CYP2J2: variants seen among roughly 807,000 people sequenced by gnomAD.
CYP2J2 encodes the protein cytochrome P450 2J2.
CYP2J2 carries 41 observed loss-of-function variants against 48.8 expected under a neutral mutation model. The ratio of observed to expected loss-of-function variants is 0.84; its 90% CI spans 0.66 to 1.09. The LOEUF (loss-of-function observed/expected upper bound fraction) is 1.09. Ranked by LOEUF, CYP2J2 falls within the 50% of genes least tolerant of loss-of-function variation. CYP2J2 has a pLI of 0.00. For synonymous variants in CYP2J2, 221 were observed against 227.1 expected, an observed-to-expected ratio of 0.97 and a Z score of 0.24; for missense variants, 644 against 617.3, an observed-to-expected ratio of 1.04 and a Z score of -0.46.
intron 7 of CYP2J2, among the ~76,000 whole-genome samples, chr1:59,901,484 C>T (rs1359083034): frequency 6.6e-6 from 1 of 152,210 alleles, no homozygotes; most frequent in South Asian, 2.1e-4. Flanking sequence ...CTCAGTGAAG[C>T]TATAACGATG....
the CYP2J2 span, among the ~76,000 whole-genome samples, chr1:59,944,268 G>C: frequency 6.6e-6 from 1 of 152,152 alleles, no homozygotes; most frequent in Non-Finnish European, 1.5e-5. Context: ...TGTCACCCAG[G>C]CTGGAATACA....
At chr1:59,927,480 G>A (rs565368539), upstream of CYP2J2, among the ~76,000 whole-genome samples, 43 of 152,280 alleles carry the variant, frequency 2.8e-4, no homozygotes, top group South Asian at 5.8e-3. Context: ...GTGCCTGCTT[G>A]GGTTTCACAA....
the CYP2J2 span, among the ~76,000 whole-genome samples, chr1:59,949,471 GTTAGAT>G: frequency 6.6e-6 from 1 of 152,056 alleles, no homozygotes; most frequent in East Asian, 1.9e-4. Context: ...TCAATTTACT[GTTAGAT>G]TTGAGGGAAG....
intron 8 of CYP2J2, among the ~76,000 whole-genome samples, chr1:59,896,562 A>G (rs1268912990): frequency 6.6e-6 from 1 of 151,926 alleles, no homozygotes; most frequent in Non-Finnish European, 1.5e-5. Flanking sequence ...CATCACTGCC[A>G]CAGCCACCCT....
At chr1:59,948,319 A>G in the CYP2J2 span, among the ~76,000 whole-genome samples, 2 of 152,198 alleles carry the variant, frequency 1.3e-5, no homozygotes, top group Non-Finnish European at 2.9e-5. Context: ...AGACTGTTTT[A>G]TATGAAATCC....
intron 8 of CYP2J2, among the ~76,000 whole-genome samples, chr1:59,895,818 C>G (rs891185411): frequency 6.6e-6 from 1 of 152,094 alleles, no homozygotes; most frequent in African/African-American, 2.4e-5. Context: ...TACCAAATCG[C>G]GATTTTTAAA....
Position 59,912,295 on chromosome 1 carries a change from A to C in CYP2J2, c.390T>G (p.Ser130Arg), listed in dbSNP as rs773060053. The change falls in exon 3 of 9, where the codon AGT becomes AGG. Residue 130 changes from serine (S) to arginine (R), a missense_variant. Coordinates refer to ENST00000371204, the MANE Select transcript of CYP2J2 (RefSeq NM_000775.4). ...IFKKNGLIMS[S>R]GQAWKEQRRF... ...TTCTTTGCTCCTTCCATGCCTGGCCACTTGACATAATCAATCCTGGGAAAA... is the reference window on the plus strand; with the variant it reads ...TTCTTTGCTCCTTCCATGCCTGGCCCCTTGACATAATCAATCCTGGGAAAA... 8.7e-6 allele frequency: 14 copies of C among 1,613,210 alleles called. No individual in the cohort carries two copies. Among genetic ancestry groups the C allele is most frequent in the Non-Finnish European group, 1.0e-5 (12 of 1,179,592 alleles).
chr1:59,926,475 T>C, intron 1 of CYP2J2, 62 bp downstream of exon 1: 1 of 1,447,544 alleles, frequency 6.9e-7, no homozygotes, highest in Non-Finnish European at 9.7e-7. Flanking sequence ...TGCCGGAACG[T>C]CCCTTGTGCT....
rs574400562 is a variant in CYP2J2, at chr1:59,905,194, C to A, written c.1004-136G>T. ...TGCAAGAAATAAAATGGTTCTTAAC[C>A]TTTTGAAAGGCTTATTCAGAAAACT... On this transcript the variant is annotated intron_variant, in intron 6 of 8. Transcript: ENST00000371204. 4.6e-6 allele frequency: 4 copies of A among 863,698 alleles called. No homozygotes were observed. The African/African-American group carries it at 7.0e-5, about 15-fold the overall frequency. The allele number at this position is 863,698 out of a possible 1,614,324, so 53.5% of individuals were successfully genotyped here.
intron 7 of CYP2J2, chr1:59,904,617 A>C: frequency 2.3e-6 from 1 of 426,884 alleles, no homozygotes. Flanking sequence ...TAGTAAAAAC[A>C]CTGAGAGGCC....
chr1:59,935,264 G>C, the CYP2J2 span, among the ~76,000 whole-genome samples: 1 of 151,710 alleles, frequency 6.6e-6, no homozygotes, highest in East Asian at 1.9e-4. Context: ...GTGGGGAAAG[G>C]GGAGATGTTG....
At chr1:59,910,311 C>A (rs1644401547) in intron 4 of CYP2J2, among the ~76,000 whole-genome samples, 1 of 152,028 alleles carries the variant, frequency 6.6e-6, no homozygotes, top group South Asian at 2.1e-4. Context: ...TAAAATGGGT[C>A]TTTTTAGAAA....
chr1:59,918,028 T>C (rs1303054387), intron 1 of CYP2J2, among the ~76,000 whole-genome samples: 1 of 152,152 alleles, frequency 6.6e-6, no homozygotes, highest in Non-Finnish European at 1.5e-5. Flanking sequence ...CTTGTATTCT[T>C]TTGGCCCAGA....
At chr1:59,911,916 A>G (rs1295117821) in intron 3 of CYP2J2, 148 bp from the exon 4 acceptor site, 1 of 902,280 alleles carries the variant, frequency 1.1e-6, no homozygotes, top group African/African-American at 1.7e-5. Flanking sequence ...CATCTGACAT[A>G]CAACAAGTAT....
the CYP2J2 span, among the ~76,000 whole-genome samples, chr1:59,948,713 AC>A: frequency 2.4e-4 from 37 of 152,320 alleles, no homozygotes; most frequent in South Asian, 7.7e-3. Flanking sequence ...CCTCAGTTAA[AC>A]CCTGTGTTGT....
the CYP2J2 span, among the ~76,000 whole-genome samples, chr1:59,937,873 G>A: frequency 2.0e-5 from 3 of 151,916 alleles, no homozygotes; most frequent in East Asian, 5.8e-4. Flanking sequence ...GTATTCTTCA[G>A]TATGTCAATT....
upstream of CYP2J2, among the ~76,000 whole-genome samples, chr1:59,927,772 C>T (rs754076212): frequency 1.6e-4 from 24 of 152,008 alleles, no homozygotes; most frequent in South Asian, 6.2e-4. Flanking sequence ...GGGGTTTCGC[C>T]GTGTTGGTCA....
intron 1 of CYP2J2, 123 bp from the exon 2 acceptor site, chr1:59,916,223 ACG>A: frequency 5.5e-6 from 4 of 723,120 alleles, no homozygotes; most frequent in South Asian, 1.9e-5. Context: ...CTGTGTGTGT[ACG>A]TGTGTGTGTG....
chr1:59,951,770 G>T, the CYP2J2 span, among the ~76,000 whole-genome samples: 1 of 152,162 alleles, frequency 6.6e-6, no homozygotes, highest in South Asian at 2.1e-4. Flanking sequence ...CTTCTCTCCC[G>T]ACCTTGCTCT....
Sources: gnomAD v4.1 joint callset for allele counts (sites outside exome capture counted in the v4.1 genomes callset) on GRCh38, gnomAD v4.1.1 for gene constraint, MANE v1.5 for transcripts, NCBI Gene and HGNC (gene_info 2026-07-23, HGNC 2026-07-21) for gene names.